PDE3A: variants seen among roughly 807,000 people sequenced by gnomAD.
PDE3A encodes the protein phosphodiesterase 3A, also known as cGMP-inhibited 3',5'-cyclic phosphodiesterase 3A.
PDE3A carries 43 observed loss-of-function variants against 98.3 expected under a neutral mutation model. The observed-to-expected ratio is 0.44, with a 90% CI of 0.34 to 0.56. The LOEUF is 0.56. Among genes scored for constraint, PDE3A ranks in the 20% least tolerant of loss-of-function variants. PDE3A has a pLI of 0.01. For synonymous variants in PDE3A, 663 were observed against 567.9 expected, an observed-to-expected ratio of 1.17 and a Z score of -2.38; for missense variants, 1,427 against 1,440.7, an observed-to-expected ratio of 0.99 and a Z score of 0.15.
At chr12:20,593,284 G>A (rs1272173042) in intron 2 of PDE3A, among the ~76,000 whole-genome samples, 1 of 152,180 alleles carries the variant, frequency 6.6e-6, no homozygotes. Flanking sequence ...GAGGGATGAG[G>A]CATTAGTAGA....
At chr12:20,432,393 C>T (rs1411885097) in intron 1 of PDE3A, among the ~76,000 whole-genome samples, 1 of 151,970 alleles carries the variant, frequency 6.6e-6, no homozygotes, top group Non-Finnish European at 1.5e-5. Context: ...AGTATATTGC[C>T]TACAGTTAAC....
chr12:20,598,303 C>T (rs1380503176), intron 2 of PDE3A, among the ~76,000 whole-genome samples: 1 of 151,976 alleles, frequency 6.6e-6, no homozygotes, highest in Non-Finnish European at 1.5e-5. Context: ...CTGCCTCAGC[C>T]TCCTGAGTAG....
chr12:20,507,398 C>G (rs1340386195), intron 1 of PDE3A, among the ~76,000 whole-genome samples: 1 of 152,026 alleles, frequency 6.6e-6, no homozygotes, highest in Admixed American at 6.6e-5. Flanking sequence ...TTTGAAAGTA[C>G]ATGACATTGT....
intron 8 of PDE3A, among the ~76,000 whole-genome samples, chr12:20,635,561 G>C (rs1944486451): frequency 2.0e-5 from 3 of 147,826 alleles, no homozygotes; most frequent in Non-Finnish European, 4.5e-5. Flanking sequence ...CTGCGCAATA[G>C]AGGGAGACTC....
intron 1 of PDE3A, among the ~76,000 whole-genome samples, chr12:20,481,744 G>T (rs745977528): frequency 9.6e-5 from 13 of 135,290 alleles, no homozygotes; most frequent in African/African-American, 2.9e-4. Context: ...GATTCTCCAT[G>T]TAAGTGACTT....
At chr12:20,546,654 T>C (rs959966073) in intron 1 of PDE3A, among the ~76,000 whole-genome samples, 1 of 152,074 alleles carries the variant, frequency 6.6e-6, no homozygotes, top group African/African-American at 2.4e-5. Flanking sequence ...AACCGTGTGC[T>C]CGTCAGAGTA....
At chr12:20,641,089 A>G (rs1944637890) in intron 10 of PDE3A, among the ~76,000 whole-genome samples, 1 of 152,172 alleles carries the variant, frequency 6.6e-6, no homozygotes, top group Non-Finnish European at 1.5e-5. Flanking sequence ...GGGATTTATT[A>G]TGAGCATATT....
Position 20,663,324 on chromosome 12 carries a change from C to G in PDE3A, c.3184+9119C>G, listed in dbSNP as rs141747654. ...ACAGAGTTCCTACTGGTGCACTGCA[C>G]AGTGGAGCTGTAAGAAGAGGGCCAT... On this transcript the variant is annotated intron_variant, in intron 15 of 15. Transcript: ENST00000359062. 1.2e-3 allele frequency among the ~76,000 whole-genome samples: 188 copies of G among 152,304 alleles called. 1 individual carries two copies. The highest frequency in any genetic ancestry group is 4.4e-3 in the African/African-American group (182 of 41,578).
chr12:20,371,933 T>C (rs944677656), intron 1 of PDE3A, among the ~76,000 whole-genome samples: 1 of 152,158 alleles, frequency 6.6e-6, no homozygotes, highest in African/African-American at 2.4e-5. Flanking sequence ...GATGTTACTA[T>C]TGCAAAATTC....
chr12:20,425,672 T>G (rs1442973788), intron 1 of PDE3A, among the ~76,000 whole-genome samples: 1 of 152,316 alleles, frequency 6.6e-6, no homozygotes, highest in African/African-American at 2.4e-5. Context: ...TATTTCTGTG[T>G]TGCTTAGCAT....
chr12:20,419,170 A>T (rs931475887), intron 1 of PDE3A, among the ~76,000 whole-genome samples: 1 of 152,308 alleles, frequency 6.6e-6, no homozygotes, highest in Admixed American at 6.5e-5. Context: ...TAGAGCAGTG[A>T]TTTTTAAAGT....
At chr12:20,556,201 A>G (rs1219531389) in intron 1 of PDE3A, among the ~76,000 whole-genome samples, 1 of 152,160 alleles carries the variant, frequency 6.6e-6, no homozygotes, top group Non-Finnish European at 1.5e-5. Context: ...AATATTTAAT[A>G]ATTTTACTCT....
intron 1 of PDE3A, among the ~76,000 whole-genome samples, chr12:20,549,337 GGGAA>G (rs1352129231): frequency 4.0e-5 from 6 of 148,732 alleles, no homozygotes; most frequent in Non-Finnish European, 5.9e-5. Context: ...CTGTAATCGT[GGGAA>G]GGAATAAAGC....
intron 1 of PDE3A, among the ~76,000 whole-genome samples, chr12:20,483,375 G>A (rs549431791): frequency 1.3e-4 from 20 of 152,158 alleles, no homozygotes; most frequent in Non-Finnish European, 2.5e-4. Flanking sequence ...TTGACATAGC[G>A]ACACTCCATC....
chr12:20,512,677 G>A (rs7305373), intron 1 of PDE3A, among the ~76,000 whole-genome samples: 147,082 of 152,176 alleles, frequency 0.97, 71,103 homozygotes, highest in East Asian at 1. Flanking sequence ...TTTTCCAGGA[G>A]TTTCTGAGCA....
intron 2 of PDE3A, chr12:20,571,817 C>T (rs1057048523): frequency 1.9e-5 from 13 of 682,462 alleles, no homozygotes; most frequent in Non-Finnish European, 2.4e-5. Flanking sequence ...GAACACTATG[C>T]AAAATTTCCC....
chr12:20,627,144 T>G (rs1944280969), intron 5 of PDE3A, among the ~76,000 whole-genome samples: 1 of 29,986 alleles, frequency 3.3e-5, no homozygotes, highest in Non-Finnish European at 9.4e-5. Flanking sequence ...TATTGTTCTG[T>G]TAAAAAAAAA....
intron 15 of PDE3A, among the ~76,000 whole-genome samples, chr12:20,657,827 G>T (rs1379874877): frequency 6.6e-6 from 1 of 152,124 alleles, no homozygotes; most frequent in Non-Finnish European, 1.5e-5. Context: ...CTCTCATGGG[G>T]ACTGCCCTGG....
chr12:20,411,015 T>A (rs1944323776), intron 1 of PDE3A, among the ~76,000 whole-genome samples: 1 of 152,224 alleles, frequency 6.6e-6, no homozygotes, highest in Admixed American at 6.5e-5. Flanking sequence ...CTCCTTACTT[T>A]GTTTTCATAG....
Sources: gnomAD v4.1 joint callset for allele counts (sites outside exome capture counted in the v4.1 genomes callset) on GRCh38, gnomAD v4.1.1 for gene constraint, MANE v1.5 for transcripts, NCBI Gene and HGNC (gene_info 2026-07-23, HGNC 2026-07-21) for gene names.